Variants in FAM24B observed in about 807,000 individuals in gnomAD.
The protein encoded by FAM24B is family with sequence similarity 24 member B, also known as protein FAM24B.
A neutral mutation model predicts 2.3 loss-of-function variants in FAM24B; 3 were observed. The ratio of observed to expected loss-of-function variants is 1.29; its 90% CI spans 0.59 to 3.32. The LOEUF is 3.32. Among genes scored for constraint, FAM24B ranks in the 30% most tolerant of loss-of-function variants. The pLI, the probability that FAM24B is intolerant of heterozygous loss-of-function variation, is 0.03. For synonymous variants in FAM24B, 36 were observed against 46.3 expected, an observed-to-expected ratio of 0.78 and a Z score of 0.90; for missense variants, 98 against 117.2, an observed-to-expected ratio of 0.84 and a Z score of 0.76.
intron 1 of FAM24B, among the ~76,000 whole-genome samples, chr10:122,872,986 G>T (rs1321484783): frequency 6.6e-6 from 1 of 151,978 alleles, no homozygotes; most frequent in African/African-American, 2.4e-5. Context: ...AGCTAATAGA[G>T]GTCAGTTCAT....
intron 2 of FAM24B, among the ~76,000 whole-genome samples, chr10:122,853,650 A>G (rs1287729919): frequency 2.0e-5 from 3 of 152,162 alleles, no homozygotes; most frequent in African/African-American, 7.2e-5. Flanking sequence ...GCACTTTGGA[A>G]GGGTAGGGCA....
chr10:122,874,873 T>G (rs1847954404), intron 1 of FAM24B, among the ~76,000 whole-genome samples: 1 of 152,218 alleles, frequency 6.6e-6, no homozygotes, highest in African/African-American at 2.4e-5. Flanking sequence ...ATTTTATGTG[T>G]GGCCCAAGAC....
chr10:122,876,039 A>C (rs1266202022), intron 1 of FAM24B, among the ~76,000 whole-genome samples: 1 of 152,262 alleles, frequency 6.6e-6, no homozygotes, highest in Non-Finnish European at 1.5e-5. Context: ...CCCTGGAAGC[A>C]TGTCAACATG....
At chr10:122,868,191 A>G (rs2133837200) in intron 1 of FAM24B, among the ~76,000 whole-genome samples, 1 of 152,366 alleles carries the variant, frequency 6.6e-6, no homozygotes, top group East Asian at 1.9e-4. Flanking sequence ...AAAGGGTATC[A>G]GCGATGGAAG....
At chr10:122,855,496 T>A (rs1490206080) in intron 2 of FAM24B, 149 bp downstream of exon 2, 2 of 152,238 alleles carry the variant, frequency 1.3e-5, no homozygotes, top group African/African-American at 4.8e-5. Context: ...TGCCACGCAC[T>A]GGGCTCTGGG....
chr10:122,879,300 TGA>T (rs1848036000), intron 1 of FAM24B, among the ~76,000 whole-genome samples, 183 bp downstream of exon 1: 1 of 152,216 alleles, frequency 6.6e-6, no homozygotes. Context: ...AGAATGTGTA[TGA>T]GAGAGGCAGG....
chr10:122,850,416 T>G lies in FAM24B; in HGVS notation c.92+8A>C, dbSNP rs769502473. ...TAGTACGTTGTTTATTTTGAACTTGTGACTCACTTTAGCGCGTTGTGTATT... is the reference window on the plus strand; with the variant it reads ...TAGTACGTTGTTTATTTTGAACTTGGGACTCACTTTAGCGCGTTGTGTATT... On this transcript the variant is annotated splice_region_variant and intron_variant, in intron 3 of 3. Transcript: ENST00000368898. 1.6e-5 allele frequency: 26 copies of G among 1,611,526 alleles called. No homozygotes were observed. Among genetic ancestry groups the G allele is most frequent in the Non-Finnish European group, 2.2e-5 (26 of 1,177,764 alleles).
rs762792634 is a variant in FAM24B at position 122,879,468 on chromosome 10, G to C, written c.-178+17C>G. The C allele has an allele frequency of 6.6e-6, 1 of 152,320 alleles. No individual in the cohort carries two copies. The highest frequency in any genetic ancestry group is 1.5e-5 in the Non-Finnish European group (1 of 68,092). 9.4% of individuals were successfully genotyped at this position (152,320 alleles called of 1,614,324 possible). A position where few individuals can be genotyped will look rare whatever the true frequency, so the allele number is the denominator to read the frequency against. ...GTCGGTCCTGCACATCGCGTAGAGC[G>C]AAGAGACGACACCTACCTGACCATA... On this transcript the variant is annotated intron_variant, in intron 1 of 3. Transcript: ENST00000368898.
chr10:122,860,271 C>G (rs1472247106), intron 1 of FAM24B, among the ~76,000 whole-genome samples: 4 of 152,102 alleles, frequency 2.6e-5, no homozygotes, highest in Admixed American at 2.6e-4. Flanking sequence ...TGCAGATTGT[C>G]ATATAAACTA....
Position 122,849,427 on chromosome 10 carries a change from T to G in FAM24B, c.105A>C (p.Glu35Asp). ...KIHNALKAAK[E>D]PEAVAVKNHN... ...GATTTTTTACAGCCACAGCTTCAGG[T>G]TCCTTTGCAGCTCTTGAGAAAAGAC... The change falls in exon 4 of 4, where the codon GAA becomes GAC. Residue 35 changes from glutamate (E) to aspartate (D), a missense_variant. Glu to Asp is a conservative substitution (Grantham distance 45). Coordinates refer to ENST00000368898, the MANE Select transcript of FAM24B (RefSeq NM_152644.3). The G allele has an allele frequency of 2.5e-6, 4 of 1,608,498 alleles. No individual in the cohort carries two copies. The highest frequency in any genetic ancestry group is 3.4e-6 in the Non-Finnish European group (4 of 1,177,718).
At chr10:122,866,504 C>T (rs1449459665) in intron 1 of FAM24B, among the ~76,000 whole-genome samples, 1 of 151,996 alleles carries the variant, frequency 6.6e-6, no homozygotes, top group African/African-American at 2.4e-5. Context: ...TTTCTGGCAA[C>T]CCTGTATTAA....
At chr10:122,870,466 C>A (rs576058297) in intron 1 of FAM24B, among the ~76,000 whole-genome samples, 3 of 152,074 alleles carry the variant, frequency 2.0e-5, no homozygotes, top group African/African-American at 4.8e-5. Context: ...TACCAAAGCC[C>A]GGCAGAGACA....
At chr10:122,850,951 C>A (rs1317285694) in intron 2 of FAM24B, among the ~76,000 whole-genome samples, 1 of 152,182 alleles carries the variant, frequency 6.6e-6, no homozygotes. Context: ...AATGACCCCC[C>A]ACTGGATATC....
chr10:122,875,198 C>T (rs1172059598), intron 1 of FAM24B, among the ~76,000 whole-genome samples: 1 of 152,164 alleles, frequency 6.6e-6, no homozygotes, highest in East Asian at 1.9e-4. Flanking sequence ...ATTCTTTGGC[C>T]TGTCCAGTCT....
chr10:122,857,510 A>G (rs567658970), intron 1 of FAM24B, among the ~76,000 whole-genome samples: 4 of 152,358 alleles, frequency 2.6e-5, no homozygotes, highest in African/African-American at 9.6e-5. Flanking sequence ...ATTGCTGTCT[A>G]ATCCATTTAC....
intron 2 of FAM24B, among the ~76,000 whole-genome samples, chr10:122,853,429 C>T (rs189699940): frequency 2.6e-5 from 4 of 152,270 alleles, no homozygotes; most frequent in Non-Finnish European, 4.4e-5. Flanking sequence ...GGTTAGATGG[C>T]CCTCCCTGTC....
At chr10:122,869,319 C>T (rs1330644792) in intron 1 of FAM24B, among the ~76,000 whole-genome samples, 2 of 152,222 alleles carry the variant, frequency 1.3e-5, no homozygotes, top group Admixed American at 1.3e-4. Flanking sequence ...ACTTAGACTC[C>T]CACACAATAA....
chr10:122,852,528 T>A (rs1024989492), intron 2 of FAM24B, among the ~76,000 whole-genome samples: 1 of 152,166 alleles, frequency 6.6e-6, no homozygotes, highest in Non-Finnish European at 1.5e-5. Context: ...GACACTGCAG[T>A]GGAGGTGGCC....
At chr10:122,857,321 G>C (rs996731262) in intron 1 of FAM24B, among the ~76,000 whole-genome samples, 1 of 152,140 alleles carries the variant, frequency 6.6e-6, no homozygotes, top group African/African-American at 2.4e-5. Context: ...ATCTGCATGG[G>C]GGAGCTGGAA....
Sources: allele counts gnomAD v4.1 joint callset (sites outside exome capture counted in the v4.1 genomes callset), GRCh38; gene constraint gnomAD v4.1.1; transcripts MANE v1.5; gene names NCBI Gene and HGNC (gene_info 2026-07-23, HGNC 2026-07-21).